Variants in CTPS2 observed in about 807,000 individuals in gnomAD.
CTPS2 encodes CTP synthase 2, also known as CTP synthase II.
CTPS2 carries 19 observed loss-of-function variants against 46.8 expected under a neutral mutation model. The observed-to-expected ratio is 0.41, with a 90% CI of 0.28 to 0.60. The LOEUF is 0.60. Ranked by LOEUF, CTPS2 falls within the 20% of genes least tolerant of loss-of-function variation. CTPS2 has a pLI of 0.35. For synonymous variants in CTPS2, 151 were observed against 165.2 expected (o/e 0.91, Z 0.66); for missense variants, 286 against 447.6 (o/e 0.64, Z 3.26).
intron 16 of CTPS2, among the ~76,000 whole-genome samples, chrX:16,616,509 G>A (rs1930535095): frequency 8.9e-6 from 1 of 111,794 alleles, no homozygotes; most frequent in Non-Finnish European, 1.9e-5. Context: ...AGAGCAGGCA[G>A]GGTGCCACTC....
intron 14 of CTPS2, chrX:16,638,585 C>A: frequency 6.8e-6 from 1 of 147,152 alleles, no homozygotes; most frequent in Admixed American, 8.0e-5. Context: ...GAAAAAGTTC[C>A]ACAGAAATTA....
chrX:16,634,157 T>C lies in CTPS2; in HGVS notation c.1393+4990A>G, dbSNP rs927619530. 8.1e-5 allele frequency among the ~76,000 whole-genome samples: 9 copies of C among 111,757 alleles called. No individual in the cohort carries two copies. In the Admixed American group the frequency reaches 8.6e-4, roughly 11 times the overall value. On this transcript the variant is annotated intron_variant, in intron 14 of 18. Coordinates refer to ENST00000359276, the MANE Select transcript of CTPS2 (RefSeq NM_175859.3). ...TACATAAAAACTAATCTTGATGAAGTCTGGAAAAGACCATGGATATGCAGT... is the reference window on the plus strand; with the variant it reads ...TACATAAAAACTAATCTTGATGAAGCCTGGAAAAGACCATGGATATGCAGT...
intron 11 of CTPS2, 90 bp downstream of exon 11, chrX:16,670,490 C>T: frequency 1.5e-6 from 1 of 652,870 alleles, no homozygotes; most frequent in Non-Finnish European, 2.4e-6. Flanking sequence ...CGAGTTCACA[C>T]CTTTACGATA....
In CTPS2 at chrX:16,683,158, T is replaced by C; in HGVS notation, c.941A>G (p.Tyr314Cys). The change falls in exon 9 of 19, where the codon TAC (tyrosine) becomes TGC (cysteine). Residue 314 changes from tyrosine to cysteine, a missense_variant. Coordinates refer to ENST00000359276, the MANE Select transcript of CTPS2 (RefSeq NM_175859.3). ...VGKYTKLRDC[Y>C]ASVFKALEHS... ...TTCCAGGGCTTTGAACACAGAGGCG[T>C]AGCAGTCTCTGAGCTTGGTGTATTT... is the stretch of plus-strand genomic sequence containing the variant. 1 of 1,209,814 alleles carries C rather than the reference T, an allele frequency of 8.3e-7. No individual in the cohort carries two copies. The highest frequency in any genetic ancestry group is 1.7e-5 in the African/African-American group (1 of 57,760).
intron 15 of CTPS2, among the ~76,000 whole-genome samples, chrX:16,617,650 T>C (rs1413255916): frequency 8.9e-6 from 1 of 112,440 alleles, no homozygotes; most frequent in Non-Finnish European, 1.9e-5. Context: ...CTAACCCCAA[T>C]GCTTTCTTTA....
chrX:16,682,851 T>C (rs1370791439), intron 9 of CTPS2, among the ~76,000 whole-genome samples: 1 of 112,058 alleles, frequency 8.9e-6, no homozygotes, highest in African/African-American at 3.2e-5. Flanking sequence ...CTTAGAAGCT[T>C]GCGCCTGGTT....
rs780887351 is a variant in CTPS2, at chrX:16,673,983, A to T, written c.1095-3309T>A. Reference sequence around the variant, plus strand: ...CTTACTAACCAGGTTTTTCACCAAAAGTAAAAGTTCCTAAGAGTTAACAGT... The same window carrying T: ...CTTACTAACCAGGTTTTTCACCAAATGTAAAAGTTCCTAAGAGTTAACAGT... On this transcript the variant is annotated intron_variant, in intron 10 of 18. Coordinates refer to ENST00000359276, the MANE Select transcript of CTPS2 (RefSeq NM_175859.3). 3.6e-5 allele frequency among the ~76,000 whole-genome samples: 4 copies of T among 112,342 alleles called. No homozygotes were observed. The Admixed American group carries it at 3.8e-4, about 11-fold the overall frequency.
At chrX:16,617,410 A>G (rs1191234065) in intron 15 of CTPS2, among the ~76,000 whole-genome samples, 164 bp from the exon 16 acceptor site, 2 of 112,008 alleles carry the variant, frequency 1.8e-5, no homozygotes, top group African/African-American at 6.5e-5. Flanking sequence ...GATGAACCTC[A>G]GATATAAAAT....
At chrX:16,661,116 G>A (rs1267389015) in intron 13 of CTPS2, among the ~76,000 whole-genome samples, 6 of 110,689 alleles carry the variant, frequency 5.4e-5, no homozygotes, top group African/African-American at 9.9e-5. Flanking sequence ...CCACTACCAC[G>A]CTCAGCTAAT....
chrX:16,678,259 C>T, intron 10 of CTPS2, 103 bp downstream of exon 10: 1 of 571,207 alleles, frequency 1.8e-6, no homozygotes, highest in East Asian at 3.6e-5. Context: ...CTCCAAACTA[C>T]CTTTCAAAAT....
At chrX:16,704,862 C>A (rs1055455761) in intron 1 of CTPS2, among the ~76,000 whole-genome samples, 1 of 108,050 alleles carries the variant, frequency 9.3e-6, no homozygotes, top group Non-Finnish European at 1.9e-5. Flanking sequence ...AAGAGAGAAT[C>A]GCTTGAACCT....
At chrX:16,662,264 A>C (rs754632432) in intron 13 of CTPS2, among the ~76,000 whole-genome samples, 1 of 111,419 alleles carries the variant, frequency 9.0e-6, no homozygotes, top group South Asian at 3.8e-4. Flanking sequence ...TATTCTGCAA[A>C]GTCCCAGAGC....
intron 10 of CTPS2, among the ~76,000 whole-genome samples, chrX:16,671,869 G>A (rs1278812526): frequency 1.8e-5 from 2 of 111,207 alleles, no homozygotes; most frequent in Non-Finnish European, 3.8e-5. Flanking sequence ...AGAGACCCCA[G>A]ACCCAAAGGA....
Position 16,699,107 on chromosome X carries a change from G to A in CTPS2, c.167-14C>T. ...CGAAGACTTCACCTAGGATTAAAAAGGCAATGGAAAAATCAAAACTTTGCT... is the reference window on the plus strand; with the variant it reads ...CGAAGACTTCACCTAGGATTAAAAAAGCAATGGAAAAATCAAAACTTTGCT... On this transcript the variant is annotated splice_polypyrimidine_tract_variant and intron_variant, in intron 2 of 18. Coordinates refer to ENST00000359276, the MANE Select transcript of CTPS2 (RefSeq NM_175859.3). The A allele has an allele frequency of 1.8e-6, 2 of 1,107,944 alleles. No individual in the cohort carries two copies. Among genetic ancestry groups the A allele is most frequent in the Non-Finnish European group, 2.4e-6 (2 of 846,619 alleles). 91.3% of individuals were successfully genotyped at this position (1,107,944 alleles called of 1,213,427 possible). A position where few individuals can be genotyped will look rare whatever the true frequency, so the allele number is the denominator to read the frequency against.
At chrX:16,693,961 C>T (rs1436404948) in intron 4 of CTPS2, among the ~76,000 whole-genome samples, 2 of 110,485 alleles carry the variant, frequency 1.8e-5, no homozygotes, top group African/African-American at 6.6e-5. Flanking sequence ...GTCAGGAGAT[C>T]GGGACCATCC....
At chrX:16,680,147 C>A (rs1157467900) in intron 9 of CTPS2, among the ~76,000 whole-genome samples, 1 of 111,639 alleles carries the variant, frequency 9.0e-6, no homozygotes, top group Non-Finnish European at 1.9e-5. Context: ...AGGATTCAAA[C>A]AGTACTTAGG....
chrX:16,643,803 C>T (rs1268339069), intron 13 of CTPS2, among the ~76,000 whole-genome samples: 2 of 110,518 alleles, frequency 1.8e-5, no homozygotes, highest in Non-Finnish European at 3.8e-5. Flanking sequence ...TCTACCACAG[C>T]TAGCTGGGGC....
chrX:16,664,577 G>T (rs763503317), intron 13 of CTPS2, among the ~76,000 whole-genome samples: 50 of 111,824 alleles, frequency 4.5e-4, no homozygotes, highest in South Asian at 1.5e-3. Flanking sequence ...GGAAGTGGAT[G>T]ACAAAGACAT....
chrX:16,711,659 C>T (rs184047446), intron 1 of CTPS2: 1 of 111,186 alleles, frequency 9.0e-6, no homozygotes, highest in Admixed American at 9.7e-5. Flanking sequence ...GGTCAATGTT[C>T]ACTTTGGGAT....
Sources: gnomAD v4.1 joint callset for allele counts (sites outside exome capture counted in the v4.1 genomes callset) on GRCh38, gnomAD v4.1.1 for gene constraint, MANE v1.5 for transcripts, NCBI Gene and HGNC (gene_info 2026-07-23, HGNC 2026-07-21) for gene names.